ADGRL2: variants seen among roughly 807,000 people sequenced by gnomAD.
ADGRL2 encodes the protein calcium-independent alpha-latrotoxin receptor 2.
Under a neutral mutation model 157.4 loss-of-function variants are expected in ADGRL2, and 44 were observed. That is an observed-to-expected ratio of 0.28 (90% CI 0.22 to 0.36). ADGRL2 has a LOEUF of 0.36. ADGRL2 is among the 10% of genes least tolerant of loss of function. The pLI, the probability that ADGRL2 is intolerant of heterozygous loss-of-function variation, is 1.00. For synonymous variants in ADGRL2, 585 were observed against 624.7 expected (o/e 0.94, Z 0.95); for missense variants, 1,510 against 1,768.9 (o/e 0.85, Z 2.63).
chr1:81,880,124 A>G (rs1220161048), intron 2 of ADGRL2, among the ~76,000 whole-genome samples: 2 of 152,232 alleles, frequency 1.3e-5, no homozygotes, highest in Non-Finnish European at 1.5e-5. Context: ...TTTTCTGGTT[A>G]TCTCACTGTG....
intron 1 of ADGRL2, among the ~76,000 whole-genome samples, chr1:81,407,046 G>T (rs2076866271): frequency 6.6e-6 from 1 of 152,176 alleles, no homozygotes; most frequent in Admixed American, 6.5e-5. Context: ...GTCTCTGGAA[G>T]AAATGTGTAT....
In ADGRL2 at chr1:81,903,233, C is replaced by T. The variant is rs77550673; in HGVS notation, c.74-3784C>T. ...GTACCTACAGTATAGCATTTGCTGT[C>T]TTTATATTTATGGTACACATGTTTA... On this transcript the variant is annotated intron_variant, in intron 2 of 23. Transcript: ENST00000686636. 3.4e-3 allele frequency among the ~76,000 whole-genome samples: 514 copies of T among 152,238 alleles called. 20 individuals carry two copies. The South Asian group carries it at 0.053, about 16-fold the overall frequency.
intron 2 of ADGRL2, among the ~76,000 whole-genome samples, chr1:81,458,411 G>C (rs2077851977): frequency 6.6e-6 from 1 of 152,198 alleles, no homozygotes; most frequent in African/African-American, 2.4e-5. Context: ...GAGTGAGAGG[G>C]AATGGCGCCC....
chr1:81,987,199 T>C (rs1311732661), intron 22 of ADGRL2, 170 bp downstream of exon 22: 1 of 1,322,634 alleles, frequency 7.6e-7, no homozygotes, highest in Non-Finnish European at 1.1e-6. Flanking sequence ...AACTGCACTA[T>C]ATTATAGTAA....
At chr1:81,851,143 A>G (rs2092991451) in intron 2 of ADGRL2, among the ~76,000 whole-genome samples, 1 of 151,954 alleles carries the variant, frequency 6.6e-6, no homozygotes, top group African/African-American at 2.4e-5. Flanking sequence ...ACAGCTAAGT[A>G]TACTTTAAGC....
intron 1 of ADGRL2, among the ~76,000 whole-genome samples, chr1:81,429,107 G>T (rs2077272688): frequency 6.8e-6 from 1 of 147,824 alleles, no homozygotes; most frequent in African/African-American, 2.5e-5. Flanking sequence ...ATCTATATTT[G>T]TGAACTACCC....
At chr1:81,684,550 T>G (rs1455942797) in intron 3 of ADGRL2, among the ~76,000 whole-genome samples, 1 of 152,224 alleles carries the variant, frequency 6.6e-6, no homozygotes, top group Non-Finnish European at 1.5e-5. Context: ...GTCAGACATA[T>G]AGATCGTGAA....
intron 2 of ADGRL2, among the ~76,000 whole-genome samples, chr1:81,505,572 G>A (rs1390783189): frequency 1.3e-5 from 2 of 149,864 alleles, no homozygotes; most frequent in African/African-American, 5.0e-5. Context: ...GCCAGCAGGT[G>A]CCCCCACGAG....
chr1:81,669,708 C>T (rs901415400), intron 3 of ADGRL2, among the ~76,000 whole-genome samples: 3 of 152,018 alleles, frequency 2.0e-5, no homozygotes, highest in East Asian at 1.9e-4. Flanking sequence ...TTTGGGAGGC[C>T]AAGGCGGGCG....
intron 1 of ADGRL2, among the ~76,000 whole-genome samples, chr1:81,366,904 T>C (rs1313431104): frequency 5.9e-5 from 9 of 152,184 alleles, no homozygotes; most frequent in Admixed American, 2.6e-4. Flanking sequence ...GTATCCCCAG[T>C]GGATTATCAT....
intron 1 of ADGRL2, among the ~76,000 whole-genome samples, chr1:81,324,123 GA>G (rs1424427353): frequency 1.3e-5 from 2 of 152,128 alleles, no homozygotes; most frequent in African/African-American, 4.8e-5. Context: ...AGCCCTTTAA[GA>G]GGCTATTGTA....
chr1:81,528,479 C>G (rs544344260), intron 2 of ADGRL2, among the ~76,000 whole-genome samples: 2 of 152,008 alleles, frequency 1.3e-5, no homozygotes, highest in Non-Finnish European at 2.9e-5. Context: ...AACCCCGTCT[C>G]TACCAAAAAT....
In ADGRL2 at chr1:81,310,386, T is replaced by C. The variant is rs182145984; in HGVS notation, c.-302+3877T>C. 3.4e-3 allele frequency among the ~76,000 whole-genome samples: 517 copies of C among 152,312 alleles called. 5 individuals carry two copies. The highest frequency in any genetic ancestry group is 6.8e-3 in the Middle Eastern group (2 of 294). Reference sequence around the variant, plus strand: ...TCATAGGTATCTGATTCAAAGACTGTGTTTATTTGACCTGTGGATATCAGA... The same window carrying C: ...TCATAGGTATCTGATTCAAAGACTGCGTTTATTTGACCTGTGGATATCAGA... On this transcript the variant is annotated intron_variant, in intron 1 of 24. Transcript: ENST00000370721.
intron 2 of ADGRL2, among the ~76,000 whole-genome samples, chr1:81,446,017 C>T (rs2077591046): frequency 6.6e-6 from 1 of 152,170 alleles, no homozygotes; most frequent in African/African-American, 2.4e-5. Context: ...TTCAGGTTCT[C>T]AATTCTTCCA....
chr1:81,672,007 A>G (rs1372643715), intron 3 of ADGRL2, among the ~76,000 whole-genome samples: 1 of 152,258 alleles, frequency 6.6e-6, no homozygotes, highest in Admixed American at 6.5e-5. Flanking sequence ...ATTAGTTAAA[A>G]AGACATAGCT....
intron 2 of ADGRL2, among the ~76,000 whole-genome samples, chr1:81,567,878 C>T (rs2080598128): frequency 6.6e-6 from 1 of 152,042 alleles, no homozygotes; most frequent in South Asian, 2.1e-4. Context: ...TAGTTTATTC[C>T]TGCAAGACTT....
At chr1:81,659,267 G>C (rs570718748) in intron 3 of ADGRL2, among the ~76,000 whole-genome samples, 1 of 151,842 alleles carries the variant, frequency 6.6e-6, no homozygotes, top group Non-Finnish European at 1.5e-5. Context: ...TCACTATGTT[G>C]GCCAAGCTGG....
intron 2 of ADGRL2, among the ~76,000 whole-genome samples, chr1:81,556,170 T>C (rs1440750366): frequency 2.0e-5 from 3 of 152,126 alleles, no homozygotes; most frequent in Admixed American, 6.5e-5. Context: ...TTACAAATAT[T>C]GTATTAGATT....
intron 3 of ADGRL2, among the ~76,000 whole-genome samples, chr1:81,914,057 A>T (rs2148468006): frequency 6.6e-6 from 1 of 152,090 alleles, no homozygotes; most frequent in African/African-American, 2.4e-5. Flanking sequence ...GAAGCCTCTC[A>T]GAATTTAATC....
Sources: allele counts gnomAD v4.1 joint callset (sites outside exome capture counted in the v4.1 genomes callset), GRCh38; gene constraint gnomAD v4.1.1; transcripts MANE v1.5; gene names NCBI Gene and HGNC (gene_info 2026-07-23, HGNC 2026-07-21).